COX19: variants seen among roughly 807,000 people sequenced by gnomAD.
COX19 encodes the protein cytochrome c oxidase assembly protein COX19.
Under a neutral mutation model 6.8 loss-of-function variants are expected in COX19, and 8 were observed. The ratio of observed to expected loss-of-function variants is 1.18; its 90% CI spans 0.69 to 2.12. The LOEUF is 2.12. COX19 is among the 30% of genes most tolerant of loss of function. The pLI is 0.00. For synonymous variants in COX19, 51 were observed against 38.0 expected (o/e 1.34, Z -1.26); for missense variants, 131 against 104.6 (o/e 1.25, Z -1.10).
Position 967,117 on chromosome 7 carries a change from A to G in COX19, c.*2261T>C, listed in dbSNP as rs1335084538. ...CGAGGTTGCTAAGATCTCCGGTAAG[A>G]ACACAGTGCCCATCTGTGACATTTT... On this transcript the variant is annotated 3_prime_UTR_variant, in exon 3 of 3. Coordinates refer to ENST00000344111, the MANE Select transcript of COX19 (RefSeq NM_001031617.3). 2 of 152,226 alleles carry G rather than the reference A, an allele frequency of 1.3e-5. No homozygotes were observed. Among genetic ancestry groups the G allele is most frequent in the East Asian group, 3.8e-4 (2 of 5,204 alleles). The allele number at this position is 152,226 out of a possible 1,614,324, so 9.4% of individuals were successfully genotyped here.
In COX19 at chr7:965,549, C is replaced by T. The variant is rs1383014724; in HGVS notation, c.*3829G>A. ...GGGGGCCTCTGCCGTTCTGCTGTGA[C>T]ATGACTGTCTCCTCGGAGGTCACTA... On this transcript the variant is annotated 3_prime_UTR_variant, in exon 3 of 3. Transcript: ENST00000344111. Among the ~76,000 whole-genome samples the T allele has an allele frequency of 6.6e-6, 1 of 152,258 alleles. No individual in the cohort carries two copies. The highest frequency in any genetic ancestry group is 1.5e-5 in the Non-Finnish European group (1 of 68,054).
At chr7:970,480 T>C (rs1239084148) in intron 2 of COX19, among the ~76,000 whole-genome samples, 1 of 149,444 alleles carries the variant, frequency 6.7e-6, no homozygotes, top group Non-Finnish European at 1.5e-5. Context: ...TCCTACTCTG[T>C]TGCCCAGGCT....
intron 2 of COX19, among the ~76,000 whole-genome samples, chr7:969,953 G>GAC (rs1847612783): frequency 7.3e-6 from 1 of 136,910 alleles, no homozygotes; most frequent in Admixed American, 8.0e-5. Context: ...ACAGTTATCT[G>GAC]ATATTTTTTT....
At chr7:970,296 G>A (rs944670470) in intron 2 of COX19, among the ~76,000 whole-genome samples, 9 of 151,826 alleles carry the variant, frequency 5.9e-5, no homozygotes, top group African/African-American at 9.7e-5. Flanking sequence ...CACCACGCCC[G>A]GCTAATTCTT....
chr7:969,269 C>G lies in COX19; in HGVS notation c.*109G>C, dbSNP rs1847602214. On this transcript the variant is annotated 3_prime_UTR_variant, in exon 3 of 3. Transcript: ENST00000344111. Reference sequence around the variant, plus strand: ...ACAGGGCTGGAGCTTCTATTCGAAGCCCATTTCTAAGGACACCACACGCAG... The same window carrying G: ...ACAGGGCTGGAGCTTCTATTCGAAGGCCATTTCTAAGGACACCACACGCAG... 3 of 738,288 alleles carry G rather than the reference C, an allele frequency of 4.1e-6. No individual in the cohort carries two copies. In the East Asian group the frequency reaches 7.4e-5, roughly 18 times the overall value. The allele number at this position is 738,288 out of a possible 1,614,324, so 45.7% of individuals were successfully genotyped here. A position where few individuals can be genotyped will look rare whatever the true frequency, so the allele number is the denominator to read the frequency against.
intron 1 of COX19, chr7:975,014 C>T (rs1847685275): frequency 1.2e-5 from 2 of 164,672 alleles, no homozygotes; most frequent in Non-Finnish European, 2.6e-5. Context: ...CGGAATACGG[C>T]CAGAAGCACT....
At chr7:973,367 G>A in intron 1 of COX19, 75 bp from the exon 2 acceptor site, 1 of 1,451,026 alleles carries the variant, frequency 6.9e-7, no homozygotes, top group Non-Finnish European at 9.1e-7. Context: ...CTTAAGAGCT[G>A]CGCTGCTTTT....
rs776576886 is a variant in COX19 at position 975,514 on chromosome 7, G to A, written c.-5C>T. The A allele has an allele frequency of 1.9e-6, 3 of 1,602,114 alleles. No homozygotes were observed. The highest frequency in any genetic ancestry group is 2.6e-6 in the Non-Finnish European group (3 of 1,175,740). ...GAAATTCATGGCGGTCGACATGTTG[G>A]CGACTCCGGAGTCTGCGAGCGCCTT... On this transcript the variant is annotated 5_prime_UTR_variant, in exon 1 of 3. Transcript: ENST00000344111.
chr7:975,370 G>A (rs1416345002), intron 1 of COX19, 58 bp downstream of exon 1: 2 of 1,393,974 alleles, frequency 1.4e-6, no homozygotes, highest in East Asian at 2.8e-5. Flanking sequence ...GCTCCGCGCT[G>A]GGCCGCGACC....
In COX19 at chr7:967,437, C is replaced by T. The variant is rs1847573201; in HGVS notation, c.*1941G>A. 6.6e-6 allele frequency: 1 copy of T among 152,270 alleles called. No homozygotes were observed. The allele number at this position is 152,270 out of a possible 1,614,324, so 9.4% of individuals were successfully genotyped here. ...GCTTCAGAATCGTCCACGCAAAAAA[C>T]AAATTTACTACTTAGAGTACAGTAT... On this transcript the variant is annotated 3_prime_UTR_variant, in exon 3 of 3. Transcript: ENST00000344111.
rs1273716395 is a variant in COX19 at position 967,978 on chromosome 7, A to G, written c.*1400T>C. 1 of 152,268 alleles carries G rather than the reference A, an allele frequency of 6.6e-6. No homozygotes were observed. The highest frequency in any genetic ancestry group is 1.5e-5 in the Non-Finnish European group (1 of 68,054). 9.4% of individuals were successfully genotyped at this position (152,268 alleles called of 1,614,324 possible). ...ACAGTGCTGGGGCAACCCTGTGCCT[A>G]CACAAAATATTCTAATAAGAAACAA... On this transcript the variant is annotated 3_prime_UTR_variant, in exon 3 of 3. Transcript: ENST00000344111.
At position 975,525 on chromosome 7, in the gene COX19, G is replaced by C; in HGVS notation, c.-16C>G. On this transcript the variant is annotated 5_prime_UTR_variant, in exon 1 of 3. Coordinates refer to ENST00000344111, the MANE Select transcript of COX19 (RefSeq NM_001031617.3). ...CGGTCGACATGTTGGCGACTCCGGA[G>C]TCTGCGAGCGCCTTGCGAGCGTACG... is the stretch of plus-strand genomic sequence containing the variant. The C allele has an allele frequency of 6.3e-7, 1 of 1,596,838 alleles. No individual in the cohort carries two copies. Among genetic ancestry groups the C allele is most frequent in the Non-Finnish European group, 8.5e-7 (1 of 1,172,756 alleles).
rs1001585873 is a variant in COX19, at chr7:967,630, T to C, written c.*1748A>G. On this transcript the variant is annotated 3_prime_UTR_variant, in exon 3 of 3. Coordinates refer to ENST00000344111, the MANE Select transcript of COX19 (RefSeq NM_001031617.3). Reference sequence around the variant, plus strand: ...CCTGGGCCCGGGAGCTCCGTCGGCATGGTCTGTTGTGTTCCCCTCACATCC... The same window carrying C: ...CCTGGGCCCGGGAGCTCCGTCGGCACGGTCTGTTGTGTTCCCCTCACATCC... 2 of 152,252 alleles carry C rather than the reference T, an allele frequency of 1.3e-5. No individual in the cohort carries two copies. Among genetic ancestry groups the C allele is most frequent in the East Asian group, 1.9e-4 (1 of 5,186 alleles). The allele number at this position is 152,252 out of a possible 1,614,324, so 9.4% of individuals were successfully genotyped here. A position where few individuals can be genotyped will look rare whatever the true frequency, so the allele number is the denominator to read the frequency against.
rs1371453157 is a variant in COX19 at position 969,546 on chromosome 7, G to A, written c.195-90C>T. The A allele has an allele frequency of 4.8e-6, 4 of 834,894 alleles. No individual in the cohort carries two copies. The East Asian group carries it at 9.7e-5, about 20-fold the overall frequency. The allele number at this position is 834,894 out of a possible 1,614,324, so 51.7% of individuals were successfully genotyped here. A position where few individuals can be genotyped will look rare whatever the true frequency, so the allele number is the denominator to read the frequency against. On this transcript the variant is annotated intron_variant, in intron 2 of 2. Transcript: ENST00000344111. ...GCCCCGGCTTCCCAGCGCACACCGG[G>A]GGTCCTGCCACCTCCATCTATGTCC...
intron 2 of COX19, among the ~76,000 whole-genome samples, chr7:972,305 A>G (rs1847646814): frequency 6.6e-6 from 1 of 152,206 alleles, no homozygotes; most frequent in African/African-American, 2.4e-5. Context: ...TGAAGTCCAC[A>G]CCGCTGAGAA....
chr7:969,189 G>A lies in COX19; in HGVS notation c.*189C>T. On this transcript the variant is annotated 3_prime_UTR_variant, in exon 3 of 3. Coordinates refer to ENST00000344111, the MANE Select transcript of COX19 (RefSeq NM_001031617.3). ...CCGTCCCACTCAGGGGTTCAATGCAGAAACACCCTCCTAAGGGAAAACGGG... is the reference window on the plus strand; with the variant it reads ...CCGTCCCACTCAGGGGTTCAATGCAAAAACACCCTCCTAAGGGAAAACGGG... 1.7e-6 allele frequency: 1 copy of A among 602,214 alleles called. No individual in the cohort carries two copies. 37.3% of individuals were successfully genotyped at this position (602,214 alleles called of 1,614,324 possible).
chr7:969,380 A>AT lies in COX19; in HGVS notation c.270dup (p.Ter91MetfsTer25), dbSNP rs1162519559. 18 of 1,599,378 alleles carry AT rather than the reference A, an allele frequency of 1.1e-5. No individual in the cohort carries two copies. In the East Asian group the frequency reaches 2.7e-4, roughly 24 times the overall value. ...CCCAGGGGTCTTCTCATCAAAATTC[A>AT]TTTTTTTGCCTCTGATTTTCCACTA... On this transcript the variant is annotated frameshift_variant, in exon 3 of 3. Coordinates refer to ENST00000344111, the MANE Select transcript of COX19 (RefSeq NM_001031617.3). LOFTEE classifies it high-confidence loss of function.
At chr7:971,435 C>T (rs971723917) in intron 2 of COX19, among the ~76,000 whole-genome samples, 5 of 151,948 alleles carry the variant, frequency 3.3e-5, no homozygotes, top group Non-Finnish European at 7.4e-5. Flanking sequence ...GGGTGGGTGC[C>T]GGTTATGGGA....
At chr7:969,645 A>C (rs1847608502) in intron 2 of COX19, among the ~76,000 whole-genome samples, 189 bp from the exon 3 acceptor site, 2 of 152,118 alleles carry the variant, frequency 1.3e-5, no homozygotes, top group African/African-American at 4.8e-5. Flanking sequence ...CAGGACAATG[A>C]GGACATGACC....
Sources: gnomAD v4.1 joint callset for allele counts (sites outside exome capture counted in the v4.1 genomes callset) on GRCh38, gnomAD v4.1.1 for gene constraint, MANE v1.5 for transcripts, NCBI Gene and HGNC (gene_info 2026-07-23, HGNC 2026-07-21) for gene names.